Variants in TBC1D4 observed in about 807,000 individuals in gnomAD.
The protein encoded by TBC1D4 is TBC (Tre-2, BUB2, CDC16) domain-containing protein.
Under a neutral mutation model 142.5 loss-of-function variants are expected in TBC1D4, and 121 were observed. The ratio of observed to expected loss-of-function variants is 0.85; its 90% confidence interval spans 0.73 to 0.99. TBC1D4 has a LOEUF of 0.99. Ranked by LOEUF, TBC1D4 falls within the 50% of genes least tolerant of loss-of-function variation. TBC1D4 has a pLI of 0.00. For missense variants in TBC1D4, 1,475 were observed against 1,606.6 expected, an observed-to-expected ratio of 0.92 and a Z score of 1.40; for synonymous variants, 630 against 628.2, an observed-to-expected ratio of 1.00 and a Z score of -0.04.
intron 3 of TBC1D4, among the ~76,000 whole-genome samples, chr13:75,359,091 A>C (rs1882293823): frequency 6.6e-6 from 1 of 152,176 alleles, no homozygotes; most frequent in Admixed American, 6.5e-5. Flanking sequence ...GCAGAAAAGA[A>C]GTGAATTCTC....
At chr13:75,310,514 T>C (rs1877642452) in intron 13 of TBC1D4, among the ~76,000 whole-genome samples, 2 of 152,200 alleles carry the variant, frequency 1.3e-5, no homozygotes, top group African/African-American at 4.8e-5. Flanking sequence ...TAGGTATCAG[T>C]GATCTCCGAA....
At position 75,298,701 on chromosome 13, in the gene TBC1D4, C is replaced by T. The variant is rs138513938; in HGVS notation, c.3156+629G>A. Among the ~76,000 whole-genome samples the T allele has an allele frequency of 3.6e-3, 546 of 152,112 alleles. 2 individuals are homozygous for T. The highest frequency in any genetic ancestry group is 0.013 in the African/African-American group (520 of 41,512). On this transcript the variant is annotated intron_variant, in intron 17 of 20. Transcript: ENST00000377636. ...CCGGGAGGCAGAGATTGCAGTGAGC[C>T]GAGATCGTGCCACTGCACTCCAGCC... is the stretch of plus-strand genomic sequence containing the variant.
At chr13:75,392,595 C>T (rs1884546542) in intron 1 of TBC1D4, among the ~76,000 whole-genome samples, 1 of 150,786 alleles carries the variant, frequency 6.6e-6, no homozygotes, top group Non-Finnish European at 1.5e-5. Flanking sequence ...TTCTTCCTCC[C>T]CCTCCCCTTC....
chr13:75,474,749 G>T (rs1888565964), intron 1 of TBC1D4, among the ~76,000 whole-genome samples: 1 of 150,802 alleles, frequency 6.6e-6, no homozygotes, highest in Non-Finnish European at 1.5e-5. Context: ...CGATTCTCCT[G>T]CCTCAGCCTC....
chr13:75,362,605 A>G lies in TBC1D4; in HGVS notation c.501T>C (p.Val167=). 1 of 1,613,812 alleles carries G rather than the reference A, an allele frequency of 6.2e-7. No homozygotes were observed. The highest frequency in any genetic ancestry group is 1.6e-4 in the Middle Eastern group (1 of 6,062). ...GCCTTATGCTGCTAATAACATCAGG[A>G]ACCTGGGGGAAAAAATTAAAACCCT... ...HVFRATDPSQ[V]PDVISSIRQL... Residue 167 remains valine (V), a splice_region_variant and synonymous_variant, in exon 2 of 21, where the codon GTT becomes GTC. Coordinates refer to ENST00000377636, the MANE Select transcript of TBC1D4 (RefSeq NM_014832.5). The surrounding 1 kb of genome is among the most constrained non-coding windows in gnomAD (Gnocchi z 4.2).
intron 1 of TBC1D4, among the ~76,000 whole-genome samples, chr13:75,450,479 TG>T (rs1887489706): frequency 6.6e-6 from 1 of 152,230 alleles, no homozygotes; most frequent in Non-Finnish European, 1.5e-5. Context: ...ATATGTTTTC[TG>T]GCTTTTTTTC....
At chr13:75,374,677 C>T (rs1036691939) in intron 1 of TBC1D4, among the ~76,000 whole-genome samples, 2 of 152,138 alleles carry the variant, frequency 1.3e-5, no homozygotes, top group Admixed American at 6.5e-5. Flanking sequence ...CATCAAAACT[C>T]CCAAACAAAG....
At chr13:75,341,066 G>A (rs1326326726) in intron 7 of TBC1D4, 59 bp downstream of exon 7, 18 of 1,503,514 alleles carry the variant, frequency 1.2e-5, no homozygotes, top group Non-Finnish European at 1.7e-5. Context: ...ACAAAGGGAA[G>A]AATTAACAAA....
intron 1 of TBC1D4, among the ~76,000 whole-genome samples, chr13:75,397,066 G>A (rs764722878): frequency 1.3e-5 from 2 of 152,022 alleles, no homozygotes; most frequent in Non-Finnish European, 2.9e-5. Flanking sequence ...GAGGATCTAG[G>A]AAATGAATGG....
intron 8 of TBC1D4, among the ~76,000 whole-genome samples, chr13:75,332,823 A>C (rs530388625): frequency 6.6e-6 from 1 of 152,244 alleles, no homozygotes; most frequent in South Asian, 2.1e-4. Context: ...GATCTCTATC[A>C]TTAAGAGAAA....
chr13:75,334,809 G>A (rs111744180), intron 8 of TBC1D4, among the ~76,000 whole-genome samples: 7,725 of 151,966 alleles, frequency 0.051, 387 homozygotes, highest in Admixed American at 0.16. Context: ...AGGAACAGGT[G>A]TTATCTGGTT....
chr13:75,289,143 T>C (rs775987992), intron 19 of TBC1D4, 33 bp from the exon 20 acceptor site: 1 of 1,611,784 alleles, frequency 6.2e-7, no homozygotes, highest in Non-Finnish European at 8.5e-7. Flanking sequence ...TAGGCTAGCC[T>C]TTGGTATGTA....
intron 1 of TBC1D4, among the ~76,000 whole-genome samples, chr13:75,390,849 AGGGGAGGGG>A (rs1884435256): frequency 0.21 from 29 of 136 alleles, 1 homozygote; most frequent in Non-Finnish European, 0.26. Flanking sequence ...GAAGGAAGGG[AGGGGAGGGG>A]AGGGGAGGGG....
chr13:75,292,082 T>G lies in TBC1D4; in HGVS notation c.3486+20A>C, dbSNP rs1023883942. ...AGTAGAGAAAACTGCTATATAATAC[T>G]ATTAGCATTTAAATCATACCTGGGT... On this transcript the variant is annotated intron_variant, in intron 19 of 20. Coordinates refer to ENST00000377636, the MANE Select transcript of TBC1D4 (RefSeq NM_014832.5). 6.3e-7 allele frequency: 1 copy of G among 1,589,548 alleles called. No individual in the cohort carries two copies.
chr13:75,330,256 A>G (rs920567153), intron 8 of TBC1D4, among the ~76,000 whole-genome samples: 2 of 152,174 alleles, frequency 1.3e-5, no homozygotes, highest in African/African-American at 4.8e-5. Flanking sequence ...CTACTATCAG[A>G]AAGTTTAAAC....
At chr13:75,395,140 G>A (rs752331377) in intron 1 of TBC1D4, among the ~76,000 whole-genome samples, 2 of 152,172 alleles carry the variant, frequency 1.3e-5, no homozygotes, top group Non-Finnish European at 2.9e-5. Flanking sequence ...GTTAAAGGAG[G>A]CCTGAGACAG....
chr13:75,370,231 G>A (rs182273975), intron 1 of TBC1D4, among the ~76,000 whole-genome samples: 65 of 152,300 alleles, frequency 4.3e-4, no homozygotes, highest in African/African-American at 1.5e-3. Flanking sequence ...GAGTGAGCAC[G>A]CGATTATGGG....
chr13:75,364,184 A>T (rs558352883), intron 1 of TBC1D4, among the ~76,000 whole-genome samples: 9 of 152,230 alleles, frequency 5.9e-5, no homozygotes, highest in Non-Finnish European at 1.3e-4. Flanking sequence ...CTCCTACTAA[A>T]TTCCCTTCTA....
intron 4 of TBC1D4, among the ~76,000 whole-genome samples, chr13:75,350,382 A>G (rs929179116): frequency 6.6e-6 from 1 of 152,180 alleles, no homozygotes; most frequent in Non-Finnish European, 1.5e-5. Context: ...TTCTTCTACT[A>G]TTTCTGAAAG....
Sources: gnomAD v4.1 joint callset for allele counts (sites outside exome capture counted in the v4.1 genomes callset) on GRCh38, gnomAD v4.1.1 for gene constraint, Gnocchi (gnomAD v3.1) non-coding constraint, MANE v1.5 for transcripts, NCBI Gene and HGNC (gene_info 2026-07-23, HGNC 2026-07-21) for gene names.